HACD2: variants seen among roughly 807,000 people sequenced by gnomAD.
HACD2 encodes the protein very-long-chain (3R)-3-hydroxyacyl-CoA dehydratase 2.
A neutral mutation model predicts 31.0 loss-of-function variants in HACD2; 15 were observed. That is an observed-to-expected ratio of 0.48 (90% CI 0.32 to 0.75). The LOEUF is 0.75. HACD2 is among the 30% of genes least tolerant of loss of function. The probability of loss-of-function intolerance (pLI) is 0.03; values close to 1 mark genes in which losing one functional copy is unlikely to be tolerated. For synonymous variants in HACD2, 115 were observed against 122.2 expected (o/e 0.94, Z 0.39); for missense variants, 283 against 313.0 (o/e 0.90, Z 0.72).
intron 3 of HACD2, among the ~76,000 whole-genome samples, chr3:123,541,286 C>A (rs753283809): frequency 6.6e-6 from 1 of 152,218 alleles, no homozygotes; most frequent in Admixed American, 6.5e-5. Context: ...AAAGCTAAAC[C>A]CAACCTAATA....
chr3:123,557,709 C>G (rs1188335114), intron 3 of HACD2, among the ~76,000 whole-genome samples: 4 of 152,154 alleles, frequency 2.6e-5, no homozygotes, highest in African/African-American at 9.7e-5. Flanking sequence ...AAAAGATGCT[C>G]TACGTCATGT....
At chr3:123,543,827 C>A in intron 3 of HACD2, 1 of 187,668 alleles carries the variant, frequency 5.3e-6, no homozygotes, top group Non-Finnish European at 1.1e-5. Context: ...AAAAGAATTC[C>A]GTTGCTATAT....
At chr3:123,498,649 C>T (rs1443510880) in intron 6 of HACD2, among the ~76,000 whole-genome samples, 1 of 152,156 alleles carries the variant, frequency 6.6e-6, no homozygotes, top group Non-Finnish European at 1.5e-5. Context: ...TGAAACCATC[C>T]CCTCCACCGC....
At chr3:123,530,804 G>C (rs1007149972) in intron 3 of HACD2, among the ~76,000 whole-genome samples, 4 of 152,062 alleles carry the variant, frequency 2.6e-5, no homozygotes, top group Non-Finnish European at 5.9e-5. Context: ...CTCCTGCCTT[G>C]GCCTCCCAAA....
At chr3:123,584,780 G>T in intron 1 of HACD2, 93 bp downstream of exon 1, 1 of 1,043,910 alleles carries the variant, frequency 9.6e-7, no homozygotes, top group Non-Finnish European at 1.3e-6. Context: ...ACTGCCTGCG[G>T]CGGGCCGCGC....
At chr3:123,540,962 G>A (rs1249876843) in intron 3 of HACD2, among the ~76,000 whole-genome samples, 3 of 152,030 alleles carry the variant, frequency 2.0e-5, no homozygotes, top group Admixed American at 6.5e-5. Flanking sequence ...ACTTTTTTAT[G>A]CAAAGCTTTT....
intron 5 of HACD2, among the ~76,000 whole-genome samples, chr3:123,501,908 C>T (rs1183495673): frequency 2.0e-5 from 3 of 152,174 alleles, no homozygotes; most frequent in Non-Finnish European, 2.9e-5. Context: ...CCAAATAAGG[C>T]ATTTCGGCTC....
chr3:123,545,548 TAA>T (rs375205125), intron 3 of HACD2, among the ~76,000 whole-genome samples: 1,501 of 121,796 alleles, frequency 0.012, 24 homozygotes, highest in African/African-American at 0.04. Context: ...CTTTTTACTT[TAA>T]AAAAAAAAAA....
chr3:123,553,968 TTTATATAA>T (rs1326257113), intron 3 of HACD2, among the ~76,000 whole-genome samples: 1 of 148,892 alleles, frequency 6.7e-6, no homozygotes, highest in Non-Finnish European at 1.5e-5. Flanking sequence ...ATATTATTAT[TTTATATAA>T]TATATATTAT....
At chr3:123,495,037 T>A in intron 6 of HACD2, 67 bp from the exon 7 acceptor site, 2 of 994,532 alleles carry the variant, frequency 2.0e-6, no homozygotes, top group Non-Finnish European at 3.0e-6. Flanking sequence ...TTAAAGCATA[T>A]GAAGTTGAGG....
At chr3:123,565,894 C>A (rs946218412) in intron 3 of HACD2, among the ~76,000 whole-genome samples, 12 of 152,178 alleles carry the variant, frequency 7.9e-5, no homozygotes, top group Non-Finnish European at 1.2e-4. Context: ...TGTAAGACTG[C>A]ACAAAAGTTT....
intron 4 of HACD2, chr3:123,502,907 T>C (rs2055922642): frequency 2.2e-6 from 1 of 463,382 alleles, no homozygotes; most frequent in Admixed American, 3.4e-5. Context: ...TCACCAGGAG[T>C]GAGAGCAGCA....
intron 3 of HACD2, among the ~76,000 whole-genome samples, chr3:123,566,906 G>A (rs1298358856): frequency 6.6e-6 from 1 of 152,114 alleles, no homozygotes; most frequent in Non-Finnish European, 1.5e-5. Context: ...GACCCACAGT[G>A]GACAGTCTGG....
intron 3 of HACD2, among the ~76,000 whole-genome samples, chr3:123,545,651 C>A (rs2056551762): frequency 6.9e-6 from 1 of 145,636 alleles, no homozygotes; most frequent in Non-Finnish European, 1.5e-5. Flanking sequence ...CAATATACAA[C>A]AATCATTTTC....
intron 3 of HACD2, among the ~76,000 whole-genome samples, chr3:123,564,892 G>C (rs2056774525): frequency 6.6e-6 from 1 of 152,298 alleles, no homozygotes; most frequent in African/African-American, 2.4e-5. Flanking sequence ...GGGCTCTGGG[G>C]ATGCAGAGCT....
rs1423038179 is a variant in HACD2, at chr3:123,494,990, TG to T, written c.683-21del. ...GAAAAACTGAAAAGAAAAGAAAAAT[TG>T]GTTAAGAGGATGGTTTAAAATTGCA... On this transcript the variant is annotated intron_variant, in intron 6 of 6. Transcript: ENST00000383657. 11 of 1,475,102 alleles carry T rather than the reference TG, an allele frequency of 7.5e-6. No individual in the cohort carries two copies. Among genetic ancestry groups the T allele is most frequent in the African/African-American group, 1.4e-5 (1 of 71,464 alleles). The allele number at this position is 1,475,102 out of a possible 1,614,324, so 91.4% of individuals were successfully genotyped here.
Position 123,516,555 on chromosome 3 carries a change from A to C in HACD2, c.381+11831T>G, listed in dbSNP as rs149941379. ...GGCCAGATTTTTAAAAAAATCCTAC[A>C]GTGACAAAGGAAACTGGTTAAAAAG... On this transcript the variant is annotated intron_variant, in intron 4 of 6. Coordinates refer to ENST00000383657, the MANE Select transcript of HACD2 (RefSeq NM_198402.5). 4.3e-3 allele frequency among the ~76,000 whole-genome samples: 660 copies of C among 152,298 alleles called. 4 individuals carry two copies. Among genetic ancestry groups the C allele is most frequent in the African/African-American group, 0.015 (642 of 41,570 alleles).
intron 4 of HACD2, among the ~76,000 whole-genome samples, chr3:123,520,082 T>C (rs190686859): frequency 2.0e-5 from 3 of 152,328 alleles, no homozygotes; most frequent in Admixed American, 2.0e-4. Context: ...GCTGCAGCCC[T>C]CTGAGAGGTG....
chr3:123,537,915 T>C (rs1024716780), intron 3 of HACD2, among the ~76,000 whole-genome samples: 1 of 152,202 alleles, frequency 6.6e-6, no homozygotes, highest in African/African-American at 2.4e-5. Flanking sequence ...ATTAAACTTT[T>C]GGCACTAGCA....
Sources: gnomAD v4.1 joint callset for allele counts (sites outside exome capture counted in the v4.1 genomes callset) on GRCh38, gnomAD v4.1.1 for gene constraint, MANE v1.5 for transcripts, NCBI Gene and HGNC (gene_info 2026-07-23, HGNC 2026-07-21) for gene names.